Variants in ARL6IP6 observed in about 807,000 individuals in gnomAD.
The protein encoded by ARL6IP6 is ARF like GTPase 6 interacting protein 6, also known as ADP-ribosylation factor-like protein 6-interacting protein 6.
A neutral mutation model predicts 21.5 loss-of-function variants in ARL6IP6; 22 were observed. That is an observed-to-expected ratio of 1.02 (90% CI 0.73 to 1.46). The LOEUF (loss-of-function observed/expected upper bound fraction) is 1.46. ARL6IP6 is among the 40% of genes most tolerant of loss of function. The pLI is 0.00. For synonymous variants in ARL6IP6, 164 were observed against 125.3 expected (o/e 1.31, Z -2.06); for missense variants, 388 against 299.8 (o/e 1.29, Z -2.17).
chr2:152,719,899 G>C (rs1256141833), intron 1 of ARL6IP6: 3 of 470,520 alleles, frequency 6.4e-6, no homozygotes, highest in Non-Finnish European at 8.8e-6. Context: ...GCTTCCCAGC[G>C]TTTAGTGGGC....
intron 3 of ARL6IP6, among the ~76,000 whole-genome samples, chr2:152,739,458 T>C (rs1320482775): frequency 6.6e-6 from 1 of 152,206 alleles, no homozygotes; most frequent in Non-Finnish European, 1.5e-5. Flanking sequence ...AAATCACCTT[T>C]GCTGCTCCAG....
rs375456384 is a variant in ARL6IP6 at position 152,755,773 on chromosome 2, G to A, written c.588-3974G>A. On this transcript the variant is annotated intron_variant, in intron 3 of 3. Transcript: ENST00000326446. ...CGCGAATTGGTGGTAGTGGTCCCCC[G>A]GGCCCAGCTGTCTTTTCTTTTATCT... 7.9e-5 allele frequency among the ~76,000 whole-genome samples: 12 copies of A among 152,278 alleles called. No homozygotes were observed. In the East Asian group the frequency reaches 9.7e-4, roughly 12 times the overall value.
intron 3 of ARL6IP6, among the ~76,000 whole-genome samples, chr2:152,743,496 G>A (rs1325500955): frequency 2.0e-5 from 3 of 152,156 alleles, no homozygotes; most frequent in Non-Finnish European, 4.4e-5. Flanking sequence ...GGCAAGTAAA[G>A]TTGGTTTATT....
chr2:152,741,771 CAT>C (rs1700820135), intron 3 of ARL6IP6, among the ~76,000 whole-genome samples: 1 of 152,136 alleles, frequency 6.6e-6, no homozygotes, highest in African/African-American at 2.4e-5. Flanking sequence ...CTTCAACAGG[CAT>C]ATTTTTTGGA....
intron 2 of ARL6IP6, among the ~76,000 whole-genome samples, chr2:152,728,974 C>CT (rs201870725): frequency 0.015 from 2,311 of 151,516 alleles, 66 homozygotes; most frequent in African/African-American, 0.054. Flanking sequence ...AGGAGAACTG[C>CT]TTGAACCTGG....
chr2:152,750,742 G>A (rs1165655321), intron 3 of ARL6IP6, among the ~76,000 whole-genome samples: 1 of 152,108 alleles, frequency 6.6e-6, no homozygotes, highest in Non-Finnish European at 1.5e-5. Flanking sequence ...TAATAATATT[G>A]TGTGCTCTGC....
At chr2:152,738,024 A>G (rs1473453075) in intron 3 of ARL6IP6, among the ~76,000 whole-genome samples, 4 of 152,168 alleles carry the variant, frequency 2.6e-5, no homozygotes, top group African/African-American at 4.8e-5. Context: ...CAAGATAACA[A>G]TGGCGGTACA....
chr2:152,742,936 T>C lies in ARL6IP6; in HGVS notation c.587+7810T>C, dbSNP rs148524956. Among the ~76,000 whole-genome samples the C allele has an allele frequency of 4.8e-3, 728 of 152,334 alleles. 3 individuals carry two copies. Among genetic ancestry groups the C allele is most frequent in the African/African-American group, 0.017 (706 of 41,580 alleles). On this transcript the variant is annotated intron_variant, in intron 3 of 3. Transcript: ENST00000326446. ...GTAACATAGTTTGCAACTGACTGTT[T>C]ATTTTTATTCACCATACTAGCTAAC...
At chr2:152,732,622 T>C (rs1266982418) in intron 2 of ARL6IP6, 1 of 430,404 alleles carries the variant, frequency 2.3e-6, no homozygotes, top group South Asian at 1.8e-5. Flanking sequence ...AATTTGACAT[T>C]TTATTTTGCT....
intron 3 of ARL6IP6, among the ~76,000 whole-genome samples, chr2:152,737,509 C>T (rs1489610979): frequency 1.3e-5 from 2 of 152,106 alleles, no homozygotes; most frequent in African/African-American, 4.8e-5. Context: ...TAAACACATA[C>T]CCAAGACTGG....
intron 2 of ARL6IP6, among the ~76,000 whole-genome samples, chr2:152,722,850 G>T (rs1172351389): frequency 6.6e-6 from 1 of 152,250 alleles, no homozygotes; most frequent in African/African-American, 2.4e-5. Flanking sequence ...GGAGGTTGCA[G>T]TGAGCCAAGA....
At chr2:152,724,340 G>A (rs1699936701) in intron 2 of ARL6IP6, among the ~76,000 whole-genome samples, 1 of 152,082 alleles carries the variant, frequency 6.6e-6, no homozygotes. Flanking sequence ...TTTACAATAT[G>A]CCAAAAGCCA....
chr2:152,761,087 T>A lies in ARL6IP6; in HGVS notation c.*1247T>A, dbSNP rs1421109119. ...AACCATTAAGTAGTCAAACTGCTTA[T>A]TCAGGCTAAGTGGGAAATGAATTTG... is the stretch of plus-strand genomic sequence containing the variant. On this transcript the variant is annotated 3_prime_UTR_variant, in exon 4 of 4. Transcript: ENST00000326446. 1 of 152,210 alleles carries A rather than the reference T, an allele frequency of 6.6e-6. No homozygotes were observed. Among genetic ancestry groups the A allele is most frequent in the African/African-American group, 2.4e-5 (1 of 41,450 alleles). The allele number at this position is 152,210 out of a possible 1,614,324, so 9.4% of individuals were successfully genotyped here.
upstream of ARL6IP6, chr2:152,718,196 T>A: frequency 1.9e-6 from 1 of 523,294 alleles, no homozygotes; most frequent in Non-Finnish European, 2.5e-6. Context: ...GACAAATAGG[T>A]TCGGGAATGT....
intron 3 of ARL6IP6, among the ~76,000 whole-genome samples, chr2:152,754,776 G>A (rs185996027): frequency 2.0e-5 from 3 of 152,122 alleles, no homozygotes; most frequent in Admixed American, 1.3e-4. Context: ...TGAGTAAGAT[G>A]TGCTATATCT....
intron 3 of ARL6IP6, among the ~76,000 whole-genome samples, chr2:152,750,171 G>C (rs1701257069): frequency 6.6e-6 from 1 of 152,066 alleles, no homozygotes; most frequent in South Asian, 2.1e-4. Context: ...TTGCTACCTG[G>C]GATACTTACA....
intron 2 of ARL6IP6, among the ~76,000 whole-genome samples, chr2:152,722,698 T>C (rs1245914404): frequency 6.6e-6 from 1 of 151,934 alleles, no homozygotes; most frequent in Admixed American, 6.6e-5. Context: ...AGGTCAGGAG[T>C]TCGAGACCAG....
rs548043969 is a variant in ARL6IP6, at chr2:152,762,233, CA to C, written c.*2394del. Among the ~76,000 whole-genome samples the C allele has an allele frequency of 5.1e-4, 78 of 152,258 alleles. No homozygotes were observed. The South Asian group carries it at 0.016, about 31-fold the overall frequency. ...TGACGAAGCTGGGAAAATGCAAGCC[CA>C]GGAAATGCTGGCAGCTGTAGTTCAG... On this transcript the variant is annotated 3_prime_UTR_variant, in exon 4 of 4. Transcript: ENST00000326446.
At chr2:152,719,167 C>T (rs550594635) in intron 1 of ARL6IP6, 143 bp downstream of exon 1, 3 of 945,272 alleles carry the variant, frequency 3.2e-6, no homozygotes, top group African/African-American at 1.7e-5. Flanking sequence ...TTGCATCTTA[C>T]TTTGCTCTCC....
Sources: gnomAD v4.1 joint callset for allele counts (sites outside exome capture counted in the v4.1 genomes callset) on GRCh38, gnomAD v4.1.1 for gene constraint, MANE v1.5 for transcripts, NCBI Gene and HGNC (gene_info 2026-07-23, HGNC 2026-07-21) for gene names.